Variants in RUVBL2 observed in about 807,000 individuals in gnomAD.
The protein encoded by RUVBL2 is RuvB like AAA ATPase 2.
A neutral mutation model predicts 57.9 loss-of-function variants in RUVBL2; 9 were observed. The ratio of observed to expected loss-of-function variants is 0.16; its 90% CI spans 0.09 to 0.27. The LOEUF (loss-of-function observed/expected upper bound fraction) is 0.27, where lower values mean the gene tolerates loss of function less well. Ranked by LOEUF, RUVBL2 falls within the 10% of genes least tolerant of loss-of-function variation. The pLI is 1.00. For synonymous variants in RUVBL2, 278 were observed against 264.6 expected (o/e 1.05, Z -0.49); for missense variants, 456 against 669.6 (o/e 0.68, Z 3.52).
chr19:49,003,178 C>T, intron 2 of RUVBL2, 101 bp from the exon 3 acceptor site: 1 of 896,890 alleles, frequency 1.1e-6, no homozygotes, highest in African/African-American at 1.7e-5. Flanking sequence ...CTACTCCCAC[C>T]CACCCCTTTG....
At chr19:48,999,789 T>A (rs937615114) in intron 2 of RUVBL2, among the ~76,000 whole-genome samples, 6 of 152,190 alleles carry the variant, frequency 3.9e-5, no homozygotes, top group Non-Finnish European at 8.8e-5. Context: ...AACCATTGAA[T>A]GCACGAGTTT....
At chr19:48,997,259 G>A (rs1023866504) in intron 1 of RUVBL2, among the ~76,000 whole-genome samples, 2 of 152,148 alleles carry the variant, frequency 1.3e-5, no homozygotes, top group African/African-American at 4.8e-5. Flanking sequence ...TACCATATGT[G>A]TCTTTCGTGT....
At chr19:49,002,350 C>G (rs1469560637) in intron 2 of RUVBL2, among the ~76,000 whole-genome samples, 1 of 151,880 alleles carries the variant, frequency 6.6e-6, no homozygotes, top group East Asian at 1.9e-4. Flanking sequence ...GTACCCAGCT[C>G]CAATAAAATT....
chr19:48,999,777 A>G (rs961782911), intron 2 of RUVBL2, among the ~76,000 whole-genome samples: 1 of 152,154 alleles, frequency 6.6e-6, no homozygotes, highest in Non-Finnish European at 1.5e-5. Context: ...TGATCAAGAG[A>G]TAACCATTGA....
chr19:49,004,406 G>C lies in RUVBL2; in HGVS notation c.253G>C (p.Ala85Pro), dbSNP rs2039245225. 1 of 1,612,368 alleles carries C rather than the reference G, an allele frequency of 6.2e-7. No homozygotes were observed. Residue 85 changes from alanine to proline, a missense_variant, in exon 4 of 15, where the codon GCC (alanine) becomes CCC (proline). By Grantham distance (27) the Ala-to-Pro change is conservative. Coordinates refer to ENST00000595090, the MANE Select transcript of RUVBL2 (RefSeq NM_006666.3). ...TGGCCAGCCGGGCACGGGGAAGACG[G>C]CCATCGCCATGGGTAAGAAACCTCC... is the stretch of plus-strand genomic sequence containing the variant. ...IAGQPGTGKT[A>P]IAMGMAQALG... is the part of the protein sequence containing the mutation.
rs745488819 is a variant in RUVBL2, at chr19:49,010,473, A to T, written c.664-15A>T. 4 of 753,964 alleles carry T rather than the reference A, an allele frequency of 5.3e-6. No homozygotes were observed. Among genetic ancestry groups the T allele is most frequent in the South Asian group, 1.6e-5 (1 of 61,682 alleles). 46.7% of individuals were successfully genotyped at this position (753,964 alleles called of 1,614,324 possible). A position where few individuals can be genotyped will look rare whatever the true frequency, so the allele number is the denominator to read the frequency against. On this transcript the variant is annotated splice_polypyrimidine_tract_variant and intron_variant, in intron 8 of 14. Coordinates refer to ENST00000595090, the MANE Select transcript of RUVBL2 (RefSeq NM_006666.3). ...GCCCTGTCTCCGCCGTTCTTCCCCCACCCCCGCCCCATAGACCAAGTTCGT... is the reference window on the plus strand; with the variant it reads ...GCCCTGTCTCCGCCGTTCTTCCCCCTCCCCCGCCCCATAGACCAAGTTCGT...
rs1283291084 is a variant in RUVBL2, at chr19:49,004,306, G to A, written c.153G>A (p.Ala51=). The change falls in exon 4 of 15, where the codon GCG becomes GCA. Residue 51 remains alanine, a synonymous_variant. Transcript: ENST00000595090. ...QASQGMVGQL[A]ARRAAGVVLE... is the part of the protein sequence containing the mutation. ...CGCAAGGCATGGTGGGTCAGCTGGC[G>A]GCACGGCGGGCGGCTGGCGTGGTGC... 9.9e-6 allele frequency: 16 copies of A among 1,610,432 alleles called. No individual in the cohort carries two copies. Among genetic ancestry groups the A allele is most frequent in the Admixed American group, 3.3e-5 (2 of 59,954 alleles).
At chr19:48,994,178 A>C in intron 1 of RUVBL2, 7 of 547,688 alleles carry the variant, frequency 1.3e-5, no homozygotes, top group South Asian at 4.7e-5. Context: ...TGCTATAGGA[A>C]CTCCAACTTT....
chr19:48,995,190 C>CCG (rs2039032315), intron 1 of RUVBL2, among the ~76,000 whole-genome samples: 4 of 151,938 alleles, frequency 2.6e-5, no homozygotes, highest in Admixed American at 2.6e-4. Context: ...TTTGAAATGA[C>CCG]CTTGGTTTTC....
At chr19:49,014,739 CGGT>C in intron 12 of RUVBL2, 136 bp downstream of exon 12, 2 of 1,246,664 alleles carry the variant, frequency 1.6e-6, no homozygotes, top group South Asian at 1.5e-5. Flanking sequence ...GGCACCCAGA[CGGT>C]GGCCTCCGAT....
intron 3 of RUVBL2, 56 bp from the exon 4 acceptor site, chr19:49,004,221 A>G: frequency 6.3e-7 from 1 of 1,575,892 alleles, no homozygotes; most frequent in Non-Finnish European, 8.6e-7. Context: ...CTGATGTGGT[A>G]GAAATGCCAT....
At chr19:48,999,192 G>C in intron 1 of RUVBL2, 127 bp from the exon 2 acceptor site, 1 of 986,376 alleles carries the variant, frequency 1.0e-6, no homozygotes, top group Non-Finnish European at 1.6e-6. Flanking sequence ...GGGGTGACTG[G>C]TGCCTGTCCC....
intron 13 of RUVBL2, 186 bp from the exon 14 acceptor site, chr19:49,015,386 T>G (rs1224094121): frequency 1.4e-6 from 1 of 700,544 alleles, no homozygotes; most frequent in Non-Finnish European, 2.4e-6. Context: ...AACTGAGGAA[T>G]GAAGAGGCTG....
chr19:49,010,090 C>T (rs1399495706), intron 8 of RUVBL2, 24 bp downstream of exon 8: 1 of 1,604,322 alleles, frequency 6.2e-7, no homozygotes, highest in Non-Finnish European at 8.5e-7. Context: ...TCCCGGGATC[C>T]CCTCGCCCCC....
intron 1 of RUVBL2, among the ~76,000 whole-genome samples, chr19:48,996,056 C>A (rs2039052763): frequency 1.3e-5 from 2 of 151,040 alleles, no homozygotes; most frequent in African/African-American, 2.4e-5. Flanking sequence ...CCTGTAGTCC[C>A]AACTACTTGG....
chr19:49,015,370 TAAAG>T lies in RUVBL2; in HGVS notation c.1252-198_1252-195del, dbSNP rs1020479301. 4 of 709,142 alleles carry T rather than the reference TAAAG, an allele frequency of 5.6e-6. No homozygotes were observed. The East Asian group carries it at 8.2e-5, about 14-fold the overall frequency. The allele number at this position is 709,142 out of a possible 1,614,324, so 43.9% of individuals were successfully genotyped here. On this transcript the variant is annotated intron_variant, in intron 13 of 14. Coordinates refer to ENST00000595090, the MANE Select transcript of RUVBL2 (RefSeq NM_006666.3). ...GATGCTGTTAGGTCCACCTTACAGA[TAAAG>T]AAACTGAGGAATGAAGAGGCTGGGC...
chr19:49,010,976 G>T, intron 9 of RUVBL2, 23 bp from the exon 10 acceptor site: 1 of 1,602,404 alleles, frequency 6.2e-7, no homozygotes, highest in South Asian at 1.1e-5. Context: ...TGGCTTCCCT[G>T]ATGCAACCTG....
chr19:49,004,252 C>T lies in RUVBL2; in HGVS notation c.124-25C>T, dbSNP rs371914249. 1.2e-5 allele frequency: 20 copies of T among 1,607,874 alleles called. No individual in the cohort carries two copies. In the East Asian group the frequency reaches 1.6e-4, roughly 13 times the overall value. ...GCCATGGTAGCCCCACAGGAAATCA[C>T]CTCATGTGCGCCTCCCACCCACAGG... is the stretch of plus-strand genomic sequence containing the variant. On this transcript the variant is annotated intron_variant, in intron 3 of 14. Coordinates refer to ENST00000595090, the MANE Select transcript of RUVBL2 (RefSeq NM_006666.3).
At chr19:49,010,418 GC>G in intron 8 of RUVBL2, 69 bp from the exon 9 acceptor site, 1 of 1,510,536 alleles carries the variant, frequency 6.6e-7, no homozygotes, top group Non-Finnish European at 9.2e-7. Flanking sequence ...CAGACAGAGG[GC>G]TTTAGGGGCC....
Sources: gnomAD v4.1 joint callset for allele counts (sites outside exome capture counted in the v4.1 genomes callset) on GRCh38, gnomAD v4.1.1 for gene constraint, MANE v1.5 for transcripts, NCBI Gene and HGNC (gene_info 2026-07-23, HGNC 2026-07-21) for gene names.